RAG1: variants seen among roughly 807,000 people sequenced by gnomAD.
RAG1 encodes the protein V(D)J recombination-activating protein 1.
Under a neutral mutation model 62.7 loss-of-function variants are expected in RAG1, and 35 were observed. The observed-to-expected ratio is 0.56, with a 90% confidence interval of 0.43 to 0.74. RAG1 has a LOEUF of 0.74. Among genes scored for constraint, RAG1 ranks in the 30% least tolerant of loss-of-function variants. RAG1 has a pLI of 0.00. For missense variants in RAG1, 1,169 were observed against 1,278.6 expected (o/e 0.91, Z 1.31); for synonymous variants, 461 against 470.3 (o/e 0.98, Z 0.26).
At position 36,574,071 on chromosome 11, in the gene RAG1, G is replaced by T; in HGVS notation, c.767G>T (p.Arg256Met). ...ARQHKRRAQA[R>M]ISSKDVMKKI... Reference sequence around the variant, plus strand: ...CAGCACAAGAGAAGAGCTCAGGCAAGGATCAGCAGCAAGGATGTCATGAAG... The same window carrying T: ...CAGCACAAGAGAAGAGCTCAGGCAATGATCAGCAGCAAGGATGTCATGAAG... Residue 256 changes from arginine (R) to methionine (M), a missense_variant, in exon 2 of 2, where the codon AGG (arginine) becomes ATG (methionine). By Grantham distance (91) the Arg-to-Met change is moderately conservative. Transcript: ENST00000299440. The T allele has an allele frequency of 6.2e-7, 1 of 1,614,138 alleles. No individual in the cohort carries two copies. The highest frequency in any genetic ancestry group is 8.5e-7 in the Non-Finnish European group (1 of 1,180,026).
At chr11:36,535,562 G>T (rs1023196225) in intron 2 of RAG1, among the ~76,000 whole-genome samples, 2 of 152,082 alleles carry the variant, frequency 1.3e-5, no homozygotes, top group African/African-American at 4.8e-5. Flanking sequence ...TGGCCAACAT[G>T]GTGAAACTTT....
intron 2 of RAG1, among the ~76,000 whole-genome samples, chr11:36,524,285 A>G (rs184556797): frequency 1.1e-4 from 16 of 151,754 alleles, no homozygotes; most frequent in Non-Finnish European, 2.1e-4. Context: ...GCACATGTAT[A>G]TATATGTAAC....
chr11:36,526,732 C>A (rs1461129881), intron 2 of RAG1, among the ~76,000 whole-genome samples: 1 of 152,194 alleles, frequency 6.6e-6, no homozygotes, highest in Non-Finnish European at 1.5e-5. Flanking sequence ...TCCAAATCCT[C>A]TCCAGCATCT....
intron 2 of RAG1, among the ~76,000 whole-genome samples, chr11:36,532,937 G>A (rs1427802802): frequency 2.0e-5 from 3 of 152,138 alleles, no homozygotes; most frequent in Non-Finnish European, 4.4e-5. Flanking sequence ...AGGTATAAAT[G>A]TATAGGGTAA....
chr11:36,536,616 A>T (rs992625354), downstream of RAG1, among the ~76,000 whole-genome samples: 1 of 80,708 alleles, frequency 1.2e-5, no homozygotes, highest in Non-Finnish European at 2.5e-5. Flanking sequence ...ATATACTTCA[A>T]AGTTTTTTAA....
intron 3 of RAG1, among the ~76,000 whole-genome samples, chr11:36,549,885 AC>A (rs1207350074): frequency 3.3e-5 from 5 of 152,236 alleles, no homozygotes; most frequent in African/African-American, 7.2e-5. Flanking sequence ...TCAATGATAG[AC>A]TGGATAAAGA....
chr11:36,533,728 T>C lies in RAG1; in HGVS notation n.429-2231T>C, dbSNP rs181957054. On this transcript the variant is annotated intron_variant and non_coding_transcript_variant, in intron 2 of 2. Coordinates refer to the RAG1 transcript ENST00000529126. ...AATGGGGATGCCTCTATTCTTTCCT[T>C]GTTAAGTAGTATTCTGGCTGATGTT... Among the ~76,000 whole-genome samples the C allele has an allele frequency of 1.1e-3, 174 of 152,298 alleles. No homozygotes were observed. The Middle Eastern group carries it at 0.014, about 12-fold the overall frequency.
At chr11:36,562,797 TAGA>T (rs1447449379) in intron 3 of RAG1, among the ~76,000 whole-genome samples, 1 of 152,216 alleles carries the variant, frequency 6.6e-6, no homozygotes, top group Non-Finnish European at 1.5e-5. Context: ...AGGCTTGAAG[TAGA>T]AGATCAAAGT....
intron 1 of RAG1, among the ~76,000 whole-genome samples, chr11:36,570,337 T>G (rs1006962419): frequency 2.6e-5 from 4 of 152,218 alleles, no homozygotes; most frequent in African/African-American, 9.6e-5. Context: ...ATATAAGTAG[T>G]TTTAATCTTT....
At chr11:36,512,166 A>AGG (rs1271235578) in intron 1 of RAG1, among the ~76,000 whole-genome samples, 1 of 152,236 alleles carries the variant, frequency 6.6e-6, no homozygotes, top group East Asian at 1.9e-4. Context: ...GCAATCAGGC[A>AGG]GGGCCACGTG....
intron 2 of RAG1, among the ~76,000 whole-genome samples, chr11:36,530,581 C>A (rs1000257513): frequency 6.6e-6 from 1 of 151,524 alleles, no homozygotes; most frequent in Non-Finnish European, 1.5e-5. Flanking sequence ...TTTCTTTGAC[C>A]CACTGGTTAC....
intron 2 of RAG1, among the ~76,000 whole-genome samples, chr11:36,532,724 T>C (rs1236267267): frequency 3.3e-5 from 5 of 152,162 alleles, no homozygotes; most frequent in Admixed American, 6.5e-5. Flanking sequence ...TGCCCTTCAG[T>C]CACTTAGCCA....
chr11:36,548,035 T>C (rs1850425333), intron 3 of RAG1, among the ~76,000 whole-genome samples: 1 of 152,170 alleles, frequency 6.6e-6, no homozygotes, highest in Non-Finnish European at 1.5e-5. Flanking sequence ...TACATGATTA[T>C]ATCAATAGAT....
In RAG1 at chr11:36,576,308, C is replaced by T. The variant is rs576254017; in HGVS notation, c.3004C>T (p.Leu1002Phe). ...CCACTGGTTGTACACCTCCAAATAC[C>T]TCCAGAAGTTTATGAATGCTCATAA... ...KHHWLYTSKYLQKFMNAHNAL... is the reference protein window; with the variant it reads ...KHHWLYTSKYFQKFMNAHNAL... The change falls in exon 2 of 2, where the codon CTC becomes TTC. Residue 1002 changes from leucine (L) to phenylalanine (F), a missense_variant. By Grantham distance (22) the Leu-to-Phe change is conservative. This residue lies in a region of RAG1 where 800 missense variants were observed against 943.3 expected (regional missense o/e 0.85). Transcript: ENST00000299440. The T allele has an allele frequency of 1.2e-6, 2 of 1,614,070 alleles. No individual in the cohort carries two copies. Among genetic ancestry groups the T allele is most frequent in the South Asian group, 1.1e-5 (1 of 91,086 alleles).
At position 36,573,294 on chromosome 11, in the gene RAG1, C is replaced by A; in HGVS notation, c.-11C>A. ...GACTTGTTTTCATTGTTCTCAGGTACCTCAGCCAGCATGGCAGCCTCTTTC... is the reference window on the plus strand; with the variant it reads ...GACTTGTTTTCATTGTTCTCAGGTAACTCAGCCAGCATGGCAGCCTCTTTC... On this transcript the variant is annotated 5_prime_UTR_variant, in exon 2 of 2. Transcript: ENST00000299440. The A allele has an allele frequency of 1.2e-6, 2 of 1,613,980 alleles. No homozygotes were observed. The highest frequency in any genetic ancestry group is 1.7e-6 in the Non-Finnish European group (2 of 1,179,968).
At position 36,575,339 on chromosome 11, in the gene RAG1, A is replaced by T; in HGVS notation, c.2035A>T (p.Ile679Phe). ...GCTGACTGCCATCCTGAGTCCTCTC[A>T]TTGCTGAGAGGGAGGCCATGAAGAG... ...ETLTAILSPL[I>F]AEREAMKSSE... The change falls in exon 2 of 2, where the codon ATT becomes TTT. Residue 679 changes from isoleucine to phenylalanine, a missense_variant. Coordinates refer to ENST00000299440, the MANE Select transcript of RAG1 (RefSeq NM_000448.3). The surrounding 1 kb of genome is among the most constrained non-coding windows in gnomAD (Gnocchi z 4.1). 1.2e-6 allele frequency: 2 copies of T among 1,614,166 alleles called. No individual in the cohort carries two copies. Among genetic ancestry groups the T allele is most frequent in the Non-Finnish European group, 1.7e-6 (2 of 1,180,028 alleles).
intron 3 of RAG1, among the ~76,000 whole-genome samples, chr11:36,549,402 A>G (rs1850449036): frequency 1.3e-5 from 2 of 152,258 alleles, no homozygotes; most frequent in South Asian, 4.1e-4. Flanking sequence ...TCCAGAAGCT[A>G]CAAGGAACTT....
At chr11:36,533,389 G>A (rs577791079) in intron 2 of RAG1, among the ~76,000 whole-genome samples, 14 of 152,248 alleles carry the variant, frequency 9.2e-5, no homozygotes, top group African/African-American at 3.1e-4. Context: ...TTCATGTAAC[G>A]GGTGTGTGCC....
chr11:36,571,353 G>A (rs1258339169), intron 1 of RAG1, among the ~76,000 whole-genome samples: 1 of 152,146 alleles, frequency 6.6e-6, no homozygotes, highest in Non-Finnish European at 1.5e-5. Context: ...AGGCATTTGG[G>A]GTTGAGTTCA....
Sources: gnomAD v4.1 joint callset for allele counts (sites outside exome capture counted in the v4.1 genomes callset) on GRCh38, gnomAD v4.1.1 for gene constraint, gnomAD v4.1.1 regional missense constraint, Gnocchi (gnomAD v3.1) non-coding constraint, MANE v1.5 for transcripts, NCBI Gene and HGNC (gene_info 2026-07-23, HGNC 2026-07-21) for gene names.